SEC24A: variants seen among roughly 807,000 people sequenced by gnomAD.
SEC24A encodes the protein SEC24 homolog A, COPII component.
Under a neutral mutation model 129.4 loss-of-function variants are expected in SEC24A, and 93 were observed. That is an observed-to-expected ratio of 0.72 (90% CI 0.61 to 0.85). The LOEUF is 0.85. SEC24A is among the 40% of genes least tolerant of loss of function. The pLI is 0.00. For missense variants in SEC24A, 1,264 were observed against 1,307.4 expected, an observed-to-expected ratio of 0.97 and a Z score of 0.51; for synonymous variants, 460 against 467.3, an observed-to-expected ratio of 0.98 and a Z score of 0.20.
intron 1 of SEC24A, among the ~76,000 whole-genome samples, chr5:134,657,871 C>G (rs1750300767): frequency 6.6e-6 from 1 of 152,206 alleles, no homozygotes; most frequent in African/African-American, 2.4e-5. Context: ...GCCAACATGC[C>G]TGGCAAAAAT....
In SEC24A at chr5:134,648,815, T is replaced by C. The variant is rs936334722; in HGVS notation, c.-262T>C. 6 of 336,160 alleles carry C rather than the reference T, an allele frequency of 1.8e-5. No homozygotes were observed. The highest frequency in any genetic ancestry group is 2.8e-5 in the Non-Finnish European group (5 of 181,656). 20.8% of individuals were successfully genotyped at this position (336,160 alleles called of 1,614,324 possible). A position where few individuals can be genotyped will look rare whatever the true frequency, so the allele number is the denominator to read the frequency against. On this transcript the variant is annotated 5_prime_UTR_variant, in exon 1 of 23. Coordinates refer to ENST00000398844, the MANE Select transcript of SEC24A (RefSeq NM_021982.3). ...CGGCCAGGGCCTCCCTCCTTCTCTC[T>C]AGGTTTGGCTGCCGCCTTCTAGCCG... is the stretch of plus-strand genomic sequence containing the variant.
At chr5:134,689,628 G>C (rs1307523493) in intron 11 of SEC24A, among the ~76,000 whole-genome samples, 2 of 152,108 alleles carry the variant, frequency 1.3e-5, no homozygotes, top group African/African-American at 2.4e-5. Context: ...GGGCGTGGTG[G>C]TGCGTACCTG....
chr5:134,709,465 G>A (rs1458093177), intron 18 of SEC24A, among the ~76,000 whole-genome samples: 3 of 152,154 alleles, frequency 2.0e-5, no homozygotes, highest in Non-Finnish European at 4.4e-5. Flanking sequence ...AAATTCAACT[G>A]ATAATCAGTT....
At chr5:134,654,754 TC>T (rs1750182714) in intron 1 of SEC24A, among the ~76,000 whole-genome samples, 2 of 152,088 alleles carry the variant, frequency 1.3e-5, no homozygotes, top group Non-Finnish European at 2.9e-5. Context: ...TCTCACTTTG[TC>T]CCCCAGGCTA....
rs1347637343 is a variant in SEC24A at position 134,726,649 on chromosome 5, T to C, written c.*1555T>C. ...TGGTTTGCAGTGTGTAAGTGGCACA[T>C]TGAACTGGAAGTTTTCTTGAAAGCT... is the stretch of plus-strand genomic sequence containing the variant. On this transcript the variant is annotated 3_prime_UTR_variant, in exon 23 of 23. Transcript: ENST00000398844. 2 of 152,314 alleles carry C rather than the reference T, an allele frequency of 1.3e-5. No individual in the cohort carries two copies. The highest frequency in any genetic ancestry group is 2.9e-5 in the Non-Finnish European group (2 of 67,988). 9.4% of individuals were successfully genotyped at this position (152,314 alleles called of 1,614,324 possible). A position where few individuals can be genotyped will look rare whatever the true frequency, so the allele number is the denominator to read the frequency against.
At position 134,699,301 on chromosome 5, in the gene SEC24A, C is replaced by CTTTTTTTTTTTTTTTTTT. The variant is rs1208203003; in HGVS notation, c.2266+1257_2266+1258insTTTTTTTTTTTTTTTTTT. ...ATAACATAAGCTTTACCATTTTATC[C>CTTTTTTTTTTTTTTTTTT]TTTTTTTTTTTTTGAGACGGACTGT... is the stretch of plus-strand genomic sequence containing the variant. On this transcript the variant is annotated intron_variant, in intron 15 of 22. Coordinates refer to ENST00000398844, the MANE Select transcript of SEC24A (RefSeq NM_021982.3). Among the ~76,000 whole-genome samples the CTTTTTTTTTTTTTTTTTT allele has an allele frequency of 4.3e-4, 59 of 138,402 alleles. 3 individuals carry two copies. Among genetic ancestry groups the CTTTTTTTTTTTTTTTTTT allele is most frequent in the African/African-American group, 1.6e-3 (57 of 36,240 alleles). The allele number at this position is 138,402 out of a possible 152,430, so 90.8% of individuals were successfully genotyped here.
At position 134,721,367 on chromosome 5, in the gene SEC24A, A is replaced by G. The variant is rs577693560; in HGVS notation, c.3063+277A>G. 2.0e-5 allele frequency among the ~76,000 whole-genome samples: 3 copies of G among 150,316 alleles called. No homozygotes were observed. In the South Asian group the frequency reaches 6.2e-4, roughly 31 times the overall value. On this transcript the variant is annotated intron_variant, in intron 21 of 22. Coordinates refer to ENST00000398844, the MANE Select transcript of SEC24A (RefSeq NM_021982.3). ...ATCACGAGGTCAAGAGATCGAGACC[A>G]TCCTGGCCAACATGGTGAACCCCCT...
intron 17 of SEC24A, 92 bp from the exon 18 acceptor site, chr5:134,708,621 T>C: frequency 8.9e-7 from 1 of 1,122,788 alleles, no homozygotes; most frequent in Non-Finnish European, 1.3e-6. Context: ...ATACTTGGTA[T>C]AGTTTTTAAA....
chr5:134,682,512 C>A (rs1751311490), intron 9 of SEC24A, 30 bp downstream of exon 9: 2 of 1,128,482 alleles, frequency 1.8e-6, no homozygotes, highest in East Asian at 2.4e-5. Flanking sequence ...TACAGTATAC[C>A]CATTTTTTAT....
chr5:134,687,676 G>A (rs1751496705), intron 10 of SEC24A, among the ~76,000 whole-genome samples: 1 of 152,172 alleles, frequency 6.6e-6, no homozygotes. Context: ...GTGAATTGAT[G>A]AGATTGTCAC....
Position 134,725,132 on chromosome 5 carries a change from A to G in SEC24A, c.*38A>G. ...ATTTGACTTATTTTTAAGGAATGTC[A>G]CGATAGTGCAGAATACCTGGAAATG... On this transcript the variant is annotated 3_prime_UTR_variant, in exon 23 of 23. Coordinates refer to ENST00000398844, the MANE Select transcript of SEC24A (RefSeq NM_021982.3). 9.9e-7 allele frequency: 1 copy of G among 1,014,978 alleles called. No individual in the cohort carries two copies. Among genetic ancestry groups the G allele is most frequent in the Non-Finnish European group, 1.6e-6 (1 of 644,158 alleles). The allele number at this position is 1,014,978 out of a possible 1,614,324, so 62.9% of individuals were successfully genotyped here. A position where few individuals can be genotyped will look rare whatever the true frequency, so the allele number is the denominator to read the frequency against.
At position 134,725,026 on chromosome 5, in the gene SEC24A, G is replaced by A. The variant is rs1443938003; in HGVS notation, c.3214G>A (p.Asp1072Asn). The A allele has an allele frequency of 6.2e-7, 1 of 1,610,418 alleles. No individual in the cohort carries two copies. The highest frequency in any genetic ancestry group is 8.5e-7 in the Non-Finnish European group (1 of 1,177,384). Residue 1072 changes from aspartate (D) to asparagine (N), a missense_variant, in exon 23 of 23, where the codon GAC (aspartate) becomes AAC (asparagine). Coordinates refer to ENST00000398844, the MANE Select transcript of SEC24A (RefSeq NM_021982.3). ...KANFLQNMIE[D>N]RTESALSYYE... The stretch of plus-strand genomic sequence containing the variant: ...AAACTTCCTTCAAAACATGATAGAA[G>A]ACAGAACAGAATCTGCATTATCATA...
intron 15 of SEC24A, among the ~76,000 whole-genome samples, chr5:134,698,876 G>A (rs1014431022): frequency 2.0e-5 from 3 of 151,590 alleles, no homozygotes; most frequent in African/African-American, 7.3e-5. Context: ...CAGATGATCT[G>A]CCCACCTCAG....
chr5:134,670,378 G>A (rs189458831), intron 3 of SEC24A, among the ~76,000 whole-genome samples: 2 of 152,318 alleles, frequency 1.3e-5, no homozygotes, highest in East Asian at 1.9e-4. Context: ...ACCATTAAAT[G>A]TATCTACTTC....
At chr5:134,692,057 CTTTTTTTTTT>C (rs61531967) in intron 11 of SEC24A, among the ~76,000 whole-genome samples, 1 of 127,942 alleles carries the variant, frequency 7.8e-6, no homozygotes, top group African/African-American at 2.9e-5. Context: ...TTTTTCTTTC[CTTTTTTTTTT>C]TTTTTTTTGG....
Position 134,661,495 on chromosome 5 carries a change from A to G in SEC24A, c.474A>G (p.Gln158=), listed in dbSNP as rs777192947. 1.9e-6 allele frequency: 3 copies of G among 1,614,012 alleles called. No homozygotes were observed. Among genetic ancestry groups the G allele is most frequent in the South Asian group, 1.1e-5 (1 of 91,090 alleles). Residue 158 remains glutamine (Q), a synonymous_variant, in exon 2 of 23, where the codon CAA becomes CAG. Transcript: ENST00000398844. The stretch of plus-strand genomic sequence containing the variant: ...ACCATTGTCCTCGTGCATCATCCCA[A>G]CCAACTGTATCTGGAAATACAAGTT... ...QTNHCPRASS[Q]PTVSGNTSLT...
chr5:134,683,021 C>T (rs1354883435), intron 9 of SEC24A, among the ~76,000 whole-genome samples: 5 of 151,518 alleles, frequency 3.3e-5, no homozygotes, highest in African/African-American at 1.2e-4. Flanking sequence ...ATATTGGGCT[C>T]GTATTTACTT....
intron 11 of SEC24A, 76 bp downstream of exon 11, chr5:134,688,375 G>A (rs1446673374): frequency 5.7e-6 from 5 of 883,288 alleles, no homozygotes; most frequent in Non-Finnish European, 7.5e-6. Flanking sequence ...AATTGGATGT[G>A]TGTTGTTTGT....
In SEC24A at chr5:134,686,912, T is replaced by C. The variant is rs747898727; in HGVS notation, c.1604+10T>C. 2 of 1,421,498 alleles carry C rather than the reference T, an allele frequency of 1.4e-6. No homozygotes were observed. The highest frequency in any genetic ancestry group is 2.3e-5 in the East Asian group (1 of 43,530). The allele number at this position is 1,421,498 out of a possible 1,614,324, so 88.1% of individuals were successfully genotyped here. On this transcript the variant is annotated intron_variant, in intron 10 of 22. Coordinates refer to ENST00000398844, the MANE Select transcript of SEC24A (RefSeq NM_021982.3). The stretch of plus-strand genomic sequence containing the variant: ...TAGACAATCTGGATTTGTAAGTTTC[T>C]CAATTCAGCTTAAATATGAAACTAA...
Sources: allele counts gnomAD v4.1 joint callset (sites outside exome capture counted in the v4.1 genomes callset), GRCh38; gene constraint gnomAD v4.1.1; transcripts MANE v1.5; gene names NCBI Gene and HGNC (gene_info 2026-07-23, HGNC 2026-07-21).